The following SGK2 variants were observed in gnomAD, a reference collection of about 807,000 sequenced individuals.
SGK2 encodes the protein serum/glucocorticoid regulated kinase 2.
Under a neutral mutation model 47.5 loss-of-function variants are expected in SGK2, and 36 were observed. That is an observed-to-expected ratio of 0.76 (90% confidence interval 0.58 to 1.00). The LOEUF is 1.00. Ranked by LOEUF, SGK2 falls within the 50% of genes least tolerant of loss-of-function variation. The probability of loss-of-function intolerance (pLI) is 0.00; values close to 1 mark genes in which losing one functional copy is unlikely to be tolerated. For synonymous variants in SGK2, 157 were observed against 181.9 expected (o/e 0.86, Z 1.10); for missense variants, 404 against 467.4 (o/e 0.86, Z 1.25).
chr20:43,573,102 C>T (rs770992895), intron 9 of SGK2, among the ~76,000 whole-genome samples: 1 of 152,220 alleles, frequency 6.6e-6, no homozygotes, highest in Non-Finnish European at 1.5e-5. Context: ...TTCCAGCTGC[C>T]AAGAGCCTGG....
At chr20:43,577,673 TC>T (rs1382250603) in intron 11 of SGK2, among the ~76,000 whole-genome samples, 1 of 139,186 alleles carries the variant, frequency 7.2e-6, no homozygotes, top group Non-Finnish European at 1.5e-5. Context: ...AGACTGAGTC[TC>T]GCTCTGTCAC....
At chr20:43,559,410 T>C (rs7262931) in intron 1 of SGK2, among the ~76,000 whole-genome samples, 19,107 of 152,128 alleles carry the variant, frequency 0.13, 1,520 homozygotes, top group African/African-American at 0.19. Flanking sequence ...ACTGACTTCA[T>C]TTTTTCCTTT....
chr20:43,576,280 G>A lies in SGK2; in HGVS notation c.750G>A (p.Pro250=), dbSNP rs748670130. The A allele has an allele frequency of 6.2e-6, 10 of 1,614,192 alleles. No homozygotes were observed. The East Asian group carries it at 6.7e-5, about 11-fold the overall frequency. Residue 250 remains proline (P), a synonymous_variant, in exon 11 of 13, where the codon CCG becomes CCA. Coordinates refer to ENST00000373100, the MANE Select transcript of SGK2 (RefSeq NM_170693.3). ...SQMYENILHQ[P]LQIPGGRTVA... The stretch of plus-strand genomic sequence containing the variant: ...TGTATGAGAACATTCTGCACCAGCC[G>A]CTACAGATCCCCGGAGGCCGGACAG...
At chr20:43,559,998 C>T (rs1434610290) in intron 1 of SGK2, among the ~76,000 whole-genome samples, 1 of 152,028 alleles carries the variant, frequency 6.6e-6, no homozygotes, top group African/African-American at 2.4e-5. Context: ...TGTCCAGCTT[C>T]TGGCCAGAAA....
chr20:43,566,967 G>A, intron 2 of SGK2, 101 bp from the exon 3 acceptor site: 1 of 921,370 alleles, frequency 1.1e-6, no homozygotes, highest in Admixed American at 2.1e-5. Context: ...AGGCAGGCAG[G>A]CCTAGTAGAG....
intron 5 of SGK2, among the ~76,000 whole-genome samples, chr20:43,568,226 T>C (rs1979865370): frequency 6.6e-6 from 1 of 152,168 alleles, no homozygotes; most frequent in Non-Finnish European, 1.5e-5. Context: ...TGGCTTTGCC[T>C]TCCCCTGGGA....
chr20:43,573,474 A>G (rs1313091158), intron 9 of SGK2, among the ~76,000 whole-genome samples: 1 of 136,004 alleles, frequency 7.4e-6, no homozygotes, highest in Non-Finnish European at 1.5e-5. Flanking sequence ...GGTGGACAAG[A>G]GCGAGACTCT....
At chr20:43,566,666 T>A (rs1266750647) in intron 2 of SGK2, 135 bp downstream of exon 2, 3 of 627,494 alleles carry the variant, frequency 4.8e-6, no homozygotes, top group Non-Finnish European at 8.4e-6. Context: ...ACTTGCAGGG[T>A]GAATAGAGTA....
intron 12 of SGK2, chr20:43,583,242 G>A: frequency 7.8e-7 from 1 of 1,289,796 alleles, no homozygotes; most frequent in Non-Finnish European, 1.0e-6. Context: ...AAAAGACAGT[G>A]AAGATAATGT....
At chr20:43,581,215 A>G (rs1980777842) in intron 12 of SGK2, among the ~76,000 whole-genome samples, 1 of 152,028 alleles carries the variant, frequency 6.6e-6, no homozygotes, top group East Asian at 1.9e-4. Flanking sequence ...CCTACTTTAT[A>G]GTATCTATAT....
intron 2 of SGK2, among the ~76,000 whole-genome samples, chr20:43,566,745 G>A (rs901011380): frequency 5.3e-5 from 8 of 152,148 alleles, no homozygotes; most frequent in East Asian, 1.9e-4. Flanking sequence ...CACCTGGGTC[G>A]TATCCCAACC....
In SGK2 at chr20:43,572,119, A is replaced by G. The variant is rs1171018747; in HGVS notation, c.579A>G (p.Thr193=). 4 of 1,549,128 alleles carry G rather than the reference A, an allele frequency of 2.6e-6. No individual in the cohort carries two copies. In the South Asian group the frequency reaches 4.8e-5, roughly 18 times the overall value. The part of the protein sequence containing the change: ...EGVEPEDTTS[T]FCGTPEYLAP... ...TAGAGCCTGAAGACACCACATCCAC[A>G]TTCTGTGGTACCCCTGAGGTAAGCG... The change falls in exon 9 of 13, where the codon ACA becomes ACG. Residue 193 remains threonine, a synonymous_variant. Transcript: ENST00000373100. The surrounding 1 kb of genome is among the most constrained non-coding windows in gnomAD (Gnocchi z 4.2).
intron 3 of SGK2, among the ~76,000 whole-genome samples, 180 bp from the exon 4 acceptor site, chr20:43,567,485 T>A (rs985348186): frequency 6.6e-6 from 1 of 152,132 alleles, no homozygotes; most frequent in African/African-American, 2.4e-5. Flanking sequence ...CCAGGGTGAA[T>A]CTTACAAGCC....
chr20:43,568,801 C>T (rs1276021457), intron 5 of SGK2, among the ~76,000 whole-genome samples: 2 of 152,160 alleles, frequency 1.3e-5, no homozygotes, highest in African/African-American at 4.8e-5. Flanking sequence ...CCTCAGCTGA[C>T]CTGAGTTCCT....
rs769566731 is a variant in SGK2, at chr20:43,567,669, C to T, written c.91C>T (p.Gln31Ter). The T allele has an allele frequency of 1.1e-5, 17 of 1,614,018 alleles. No homozygotes were observed. The East Asian group carries it at 3.6e-4, about 34-fold the overall frequency. Residue 31 changes from glutamine to a stop codon, truncating the protein, a stop_gained, in exon 4 of 13, where the codon CAG (glutamine) becomes TAG (stop). Coordinates refer to ENST00000373100, the MANE Select transcript of SGK2 (RefSeq NM_170693.3). LOFTEE classifies it high-confidence loss of function. Reference sequence around the variant, plus strand: ...TGTTTTTCCCTCTTCCCCCAGTGCCCAGCCCACGGACTTCGACTTCCTCAA... The same window carrying T: ...TGTTTTTCCCTCTTCCCCCAGTGCCTAGCCCACGGACTTCGACTTCCTCAA... ...NLGPSANPNA[Q>*]PTDFDFLKVI...
At chr20:43,566,852 G>C (rs187905339) in intron 2 of SGK2, among the ~76,000 whole-genome samples, 267 of 139,676 alleles carry the variant, frequency 1.9e-3, no homozygotes, top group African/African-American at 6.5e-3. Context: ...AGGCTGTTTT[G>C]AGAAGTGGGT....
rs773257875 is a variant in SGK2, at chr20:43,571,074, T to G, written c.510+14T>G. The G allele has an allele frequency of 6.5e-4, 967 of 1,487,538 alleles. 5 individuals carry two copies. The East Asian group carries it at 0.022, about 34-fold the overall frequency. The allele number at this position is 1,487,538 out of a possible 1,614,324, so 92.1% of individuals were successfully genotyped here. A position where few individuals can be genotyped will look rare whatever the true frequency, so the allele number is the denominator to read the frequency against. ...TTGGACTGCCAGGTTGGTGTGTGTG[T>G]GTGTGTGTGTGTGTGTGTGTGTGTG... On this transcript the variant is annotated intron_variant, in intron 8 of 12. Transcript: ENST00000373100.
In SGK2 at chr20:43,571,067, GT is replaced by G. The variant is rs755451597; in HGVS notation, c.510+8del. 1,246 of 106,328 alleles carry G rather than the reference GT, an allele frequency of 0.012. 21 individuals are homozygous for G. The East Asian group carries it at 0.18, about 16-fold the overall frequency. 6.6% of individuals were successfully genotyped at this position (106,328 alleles called of 1,614,324 possible). A position where few individuals can be genotyped will look rare whatever the true frequency, so the allele number is the denominator to read the frequency against. On this transcript the variant is annotated splice_region_variant and intron_variant, in intron 8 of 12. Transcript: ENST00000373100. ...CATTCTCTTGGACTGCCAGGTTGGT[GT>G]GTGTGTGTGTGTGTGTGTGTGTGTG...
intron 7 of SGK2, 28 bp downstream of exon 7, chr20:43,570,757 G>A: frequency 6.5e-7 from 1 of 1,542,584 alleles, no homozygotes; most frequent in Non-Finnish European, 8.9e-7. Flanking sequence ...CTCAGAGCCA[G>A]GACCAAGCCC....
Sources: gnomAD v4.1 joint callset for allele counts (sites outside exome capture counted in the v4.1 genomes callset) on GRCh38, gnomAD v4.1.1 for gene constraint, Gnocchi (gnomAD v3.1) non-coding constraint, MANE v1.5 for transcripts, NCBI Gene and HGNC (gene_info 2026-07-23, HGNC 2026-07-21) for gene names.